Variants in TTYH3 observed in about 807,000 individuals in gnomAD.
TTYH3 encodes the protein protein tweety homolog 3.
Under a neutral mutation model 68.2 loss-of-function variants are expected in TTYH3, and 23 were observed. That is an observed-to-expected ratio of 0.34 (90% confidence interval 0.24 to 0.48). The LOEUF is 0.48. TTYH3 is among the 20% of genes least tolerant of loss of function. TTYH3 has a pLI of 0.99. For missense variants in TTYH3, 768 were observed against 727.7 expected (o/e 1.06, Z -0.64); for synonymous variants, 360 against 332.8 (o/e 1.08, Z -0.89).
Position 2,649,985 on chromosome 7 carries a change from G to A in TTYH3, c.868G>A (p.Gly290Arg), listed in dbSNP as rs746203767. ...GGTGGAGGAGTACTCGGTGCTGAGT[G>A]GGGGTGAGTCTGTGTCCACGGCCGT... ...KMVEEYSVLS[G>R]DILQYYLACS... The change falls in exon 7 of 14, where the codon GGG becomes AGG. Residue 290 changes from glycine (G) to arginine (R), a missense_variant. By Grantham distance (125) the Gly-to-Arg change is moderately radical (BLOSUM62 -2). Transcript: ENST00000258796. 1.2e-6 allele frequency: 2 copies of A among 1,613,862 alleles called. No individual in the cohort carries two copies. The highest frequency in any genetic ancestry group is 1.7e-6 in the Non-Finnish European group (2 of 1,179,942).
rs1691034237 is a variant in TTYH3, at chr7:2,662,774, G to C, written c.*1035G>C. ...TCCACGGGTGCCCCTAGCTGGCCCA[G>C]AGCCGGCAGTGTGAGCCCAAGTCCG... On this transcript the variant is annotated 3_prime_UTR_variant, in exon 14 of 14. Coordinates refer to ENST00000258796, the MANE Select transcript of TTYH3 (RefSeq NM_025250.3). 6.5e-6 allele frequency: 1 copy of C among 153,082 alleles called. No homozygotes were observed. Among genetic ancestry groups the C allele is most frequent in the South Asian group, 2.1e-4 (1 of 4,844 alleles). The allele number at this position is 153,082 out of a possible 1,614,324, so 9.5% of individuals were successfully genotyped here.
chr7:2,640,253 C>T (rs574049830), intron 1 of TTYH3, among the ~76,000 whole-genome samples: 1 of 152,236 alleles, frequency 6.6e-6, no homozygotes, highest in South Asian at 2.1e-4. Context: ...TGAGCACCCC[C>T]CAGTGGGCCA....
intron 9 of TTYH3, 28 bp from the exon 10 acceptor site, chr7:2,656,064 C>T: frequency 6.6e-7 from 1 of 1,509,804 alleles, no homozygotes; most frequent in South Asian, 1.2e-5. Flanking sequence ...AAATGAAGTG[C>T]TGACCATCTG....
chr7:2,639,750 C>G (rs981534849), intron 1 of TTYH3, among the ~76,000 whole-genome samples: 1 of 152,206 alleles, frequency 6.6e-6, no homozygotes, highest in African/African-American at 2.4e-5. Context: ...TGGTGGGGTT[C>G]TGGCCCCTCA....
At chr7:2,636,371 T>C (rs1583553744) in intron 1 of TTYH3, among the ~76,000 whole-genome samples, 1 of 152,028 alleles carries the variant, frequency 6.6e-6, no homozygotes, top group East Asian at 1.9e-4. Context: ...GACAGAAGCG[T>C]CCCTCCAGCT....
intron 5 of TTYH3, 85 bp downstream of exon 5, chr7:2,648,139 T>C (rs1323217762): frequency 3.8e-6 from 5 of 1,317,296 alleles, no homozygotes; most frequent in Non-Finnish European, 5.3e-6. Context: ...CCACCTCATC[T>C]GCAGATCCTA....
At chr7:2,654,660 C>A (rs1786284416) in intron 9 of TTYH3, among the ~76,000 whole-genome samples, 1 of 152,186 alleles carries the variant, frequency 6.6e-6, no homozygotes, top group Non-Finnish European at 1.5e-5. Context: ...CATCTCACAG[C>A]TCTTGGCAGG....
In TTYH3 at chr7:2,660,611, C is replaced by T. The variant is rs887984502; in HGVS notation, c.1501-1057C>T. 1.8e-5 allele frequency: 17 copies of T among 945,240 alleles called. 1 individual carries two copies. The South Asian group carries it at 4.1e-4, about 23-fold the overall frequency. The allele number at this position is 945,240 out of a possible 1,614,324, so 58.6% of individuals were successfully genotyped here. A position where few individuals can be genotyped will look rare whatever the true frequency, so the allele number is the denominator to read the frequency against. On this transcript the variant is annotated intron_variant, in intron 13 of 13. Coordinates refer to ENST00000258796, the MANE Select transcript of TTYH3 (RefSeq NM_025250.3). ...CTTGTGCTGCATGTCAGTGGAATGACGAGGCTCCGGGCCGTGGCTCCTCCC... is the reference window on the plus strand; with the variant it reads ...CTTGTGCTGCATGTCAGTGGAATGATGAGGCTCCGGGCCGTGGCTCCTCCC...
At chr7:2,658,235 C>T in intron 11 of TTYH3, 51 bp from the exon 12 acceptor site, 1 of 1,469,152 alleles carries the variant, frequency 6.8e-7, no homozygotes, top group Non-Finnish European at 9.1e-7. Flanking sequence ...GGTCTGTGGC[C>T]AGCTCCTTCC....
At chr7:2,658,660 C>T (rs964018439) in intron 12 of TTYH3, among the ~76,000 whole-genome samples, 1 of 152,208 alleles carries the variant, frequency 6.6e-6, no homozygotes, top group African/African-American at 2.4e-5. Context: ...ATGGAGGTTC[C>T]GTGTCCAGGG....
At chr7:2,658,818 G>T in intron 12 of TTYH3, 122 bp from the exon 13 acceptor site, 1 of 947,592 alleles carries the variant, frequency 1.1e-6, no homozygotes, top group Admixed American at 2.0e-5. Flanking sequence ...GGGTTCGTGG[G>T]ACCCCCAGTG....
intron 7 of TTYH3, among the ~76,000 whole-genome samples, chr7:2,651,503 G>C (rs1163000879): frequency 6.6e-6 from 1 of 152,144 alleles, no homozygotes; most frequent in African/African-American, 2.4e-5. Context: ...TATCATCCTG[G>C]TCCCTCCAGG....
intron 2 of TTYH3, 49 bp downstream of exon 2, chr7:2,647,071 C>G (rs1241051736): frequency 1.1e-6 from 1 of 932,782 alleles, no homozygotes; most frequent in Non-Finnish European, 1.5e-6. Context: ...GGGGGCGGCC[C>G]GAGGGGGCGG....
chr7:2,640,910 G>A (rs899114395), intron 1 of TTYH3, among the ~76,000 whole-genome samples: 1 of 152,238 alleles, frequency 6.6e-6, no homozygotes, highest in Non-Finnish European at 1.5e-5. Flanking sequence ...CCTTACAAGT[G>A]CGGAGCCAGC....
intron 1 of TTYH3, among the ~76,000 whole-genome samples, chr7:2,644,891 G>C (rs1785939726): frequency 6.6e-6 from 1 of 152,224 alleles, no homozygotes; most frequent in Non-Finnish European, 1.5e-5. Context: ...TCTCCTGGGA[G>C]ATCCAGCAGC....
rs749780504 is a variant in TTYH3, at chr7:2,656,378, A to G, written c.1114-20A>G. On this transcript the variant is annotated intron_variant, in intron 10 of 13. Transcript: ENST00000258796. The stretch of plus-strand genomic sequence containing the variant: ...ACCCTCCCTGTCTCTGGATCCTGCC[A>G]TCTCATCCCACGGCCTCAGGACTAC... 4.4e-6 allele frequency: 7 copies of G among 1,601,390 alleles called. No individual in the cohort carries two copies. The highest frequency in any genetic ancestry group is 1.7e-5 in the Admixed American group (1 of 58,942).
At chr7:2,656,325 G>A in intron 10 of TTYH3, 73 bp from the exon 11 acceptor site, 1 of 1,577,858 alleles carries the variant, frequency 6.3e-7, no homozygotes, top group Non-Finnish European at 8.6e-7. Flanking sequence ...CGCCGTGGCT[G>A]GGCTGAAGGT....
rs771057539 is a variant in TTYH3, at chr7:2,661,766, C to T, written c.*27C>T. On this transcript the variant is annotated 3_prime_UTR_variant, in exon 14 of 14. Coordinates refer to ENST00000258796, the MANE Select transcript of TTYH3 (RefSeq NM_025250.3). ...CCGCGCCCGGCAGCCACCCACCCCA[C>T]GTGCCAACTTCCCCTCCCCGTGCCA... is the stretch of plus-strand genomic sequence containing the variant. 41 of 1,600,326 alleles carry T rather than the reference C, an allele frequency of 2.6e-5. No homozygotes were observed. The highest frequency in any genetic ancestry group is 5.4e-5 in the African/African-American group (4 of 74,640).
In TTYH3 at chr7:2,662,066, T is replaced by G; in HGVS notation, c.*327T>G. ...CCCTGGCCGCACCCAACCTGTGTTG[T>G]TGCCGCCCGGCCCTTCCCTCCACAG... On this transcript the variant is annotated 3_prime_UTR_variant, in exon 14 of 14. Transcript: ENST00000258796. 2.0e-6 allele frequency: 1 copy of G among 506,926 alleles called. No individual in the cohort carries two copies. The highest frequency in any genetic ancestry group is 3.6e-6 in the Non-Finnish European group (1 of 278,868). 31.4% of individuals were successfully genotyped at this position (506,926 alleles called of 1,614,324 possible).
Sources: allele counts gnomAD v4.1 joint callset (sites outside exome capture counted in the v4.1 genomes callset), GRCh38; gene constraint gnomAD v4.1.1; transcripts MANE v1.5; gene names NCBI Gene and HGNC (gene_info 2026-07-23, HGNC 2026-07-21).